Variants in PDE8A observed in about 807,000 individuals in gnomAD.
PDE8A encodes phosphodiesterase 8A.
PDE8A carries 59 observed loss-of-function variants against 105.0 expected under a neutral mutation model. The observed-to-expected ratio is 0.56, with a 90% CI of 0.46 to 0.70. PDE8A has a LOEUF of 0.70. Among genes scored for constraint, PDE8A ranks in the 30% least tolerant of loss-of-function variants. The pLI, the probability that PDE8A is intolerant of heterozygous loss-of-function variation, is 0.00. For synonymous variants in PDE8A, 355 were observed against 371.9 expected (o/e 0.95, Z 0.52); for missense variants, 1,014 against 1,045.9 (o/e 0.97, Z 0.42).
At chr15:85,110,166 C>T (rs1027693169) in intron 12 of PDE8A, among the ~76,000 whole-genome samples, 10 of 152,136 alleles carry the variant, frequency 6.6e-5, no homozygotes, top group African/African-American at 2.2e-4. Context: ...TTGTAGCTGT[C>T]GTGATTACAG....
At chr15:85,003,318 CA>C (rs1246040048) in intron 1 of PDE8A, among the ~76,000 whole-genome samples, 2 of 152,198 alleles carry the variant, frequency 1.3e-5, no homozygotes, top group Non-Finnish European at 2.9e-5. Flanking sequence ...CTCCTGGCCT[CA>C]CATTTTATAA....
intron 11 of PDE8A, among the ~76,000 whole-genome samples, chr15:85,101,294 G>A (rs1025622006): frequency 3.3e-5 from 5 of 152,172 alleles, no homozygotes; most frequent in African/African-American, 9.7e-5. Context: ...AAGGAACACA[G>A]CAAGTGATAA....
At chr15:85,009,725 C>G (rs573029823) in intron 1 of PDE8A, among the ~76,000 whole-genome samples, 1 of 152,326 alleles carries the variant, frequency 6.6e-6, no homozygotes, top group South Asian at 2.1e-4. Flanking sequence ...AAACTGTTGG[C>G]AATATTTACT....
chr15:85,076,782 A>G lies in PDE8A; in HGVS notation c.541A>G (p.Thr181Ala). 6.4e-7 allele frequency: 1 copy of G among 1,571,672 alleles called. No individual in the cohort carries two copies. Among genetic ancestry groups the G allele is most frequent in the Non-Finnish European group, 8.8e-7 (1 of 1,141,278 alleles). Residue 181 changes from threonine to alanine, a missense_variant, in exon 5 of 22, where the codon ACA becomes GCA. Coordinates refer to ENST00000394553, the MANE Select transcript of PDE8A (RefSeq NM_002605.3). ...SVMPFISAGF[T>A]RRYVENPNIM... Reference sequence around the variant, plus strand: ...AATGCCTTTCATTTCTGCTGGATTTACAAGGGTATGTACTCACTTATTTGT... The same window carrying G: ...AATGCCTTTCATTTCTGCTGGATTTGCAAGGGTATGTACTCACTTATTTGT...
intron 20 of PDE8A, among the ~76,000 whole-genome samples, chr15:85,134,452 G>A (rs533211904): frequency 2.6e-5 from 4 of 152,288 alleles, no homozygotes; most frequent in Non-Finnish European, 4.4e-5. Flanking sequence ...GCAGAGACTC[G>A]TGTAGGGCTG....
At position 85,055,038 on chromosome 15, in the gene PDE8A, C is replaced by T. The variant is rs531394782; in HGVS notation, c.187-9332C>T. 2.0e-5 allele frequency among the ~76,000 whole-genome samples: 3 copies of T among 152,194 alleles called. No homozygotes were observed. In the East Asian group the frequency reaches 5.8e-4, roughly 29 times the overall value. Reference sequence around the variant, plus strand: ...CTTTGTTCTCGTTGGTTTCAAAGAACCTCTTTATTTCTGCCTTCATTTCGT... The same window carrying T: ...CTTTGTTCTCGTTGGTTTCAAAGAATCTCTTTATTTCTGCCTTCATTTCGT... On this transcript the variant is annotated intron_variant, in intron 1 of 21. Transcript: ENST00000394553.
At chr15:84,993,442 C>CAAAAA (rs11362736) in intron 1 of PDE8A, among the ~76,000 whole-genome samples, 150 of 73,000 alleles carry the variant, frequency 2.1e-3, no homozygotes, top group Middle Eastern at 0.01. Context: ...GACTCCATCT[C>CAAAAA]AAAAAAAAAA....
chr15:85,105,729 C>T (rs1166150599), intron 11 of PDE8A, among the ~76,000 whole-genome samples: 1 of 152,218 alleles, frequency 6.6e-6, no homozygotes, highest in African/African-American at 2.4e-5. Flanking sequence ...CAAGCCCTGG[C>T]TATGGAGGCC....
intron 3 of PDE8A, among the ~76,000 whole-genome samples, chr15:85,067,413 G>A (rs1328072749): frequency 6.6e-6 from 1 of 152,182 alleles, no homozygotes; most frequent in African/African-American, 2.4e-5. Flanking sequence ...GTAAGAAAAT[G>A]TGAATAATAA....
chr15:85,060,452 A>G (rs1241140040), intron 1 of PDE8A, among the ~76,000 whole-genome samples: 1 of 152,268 alleles, frequency 6.6e-6, no homozygotes, highest in East Asian at 1.9e-4. Flanking sequence ...AAAATAAAAC[A>G]TGTAAAATAA....
At chr15:85,041,026 T>C (rs2080798981) in intron 1 of PDE8A, among the ~76,000 whole-genome samples, 1 of 152,160 alleles carries the variant, frequency 6.6e-6, no homozygotes, top group Non-Finnish European at 1.5e-5. Flanking sequence ...TAGACAGACA[T>C]CTTTTCATAT....
At chr15:85,042,180 G>GT (rs2080820672) in intron 1 of PDE8A, among the ~76,000 whole-genome samples, 1 of 151,220 alleles carries the variant, frequency 6.6e-6, no homozygotes. Context: ...TTGTTTTTTT[G>GT]TTTTTTGTTT....
intron 1 of PDE8A, among the ~76,000 whole-genome samples, chr15:85,020,529 G>A (rs55854726): frequency 0.086 from 13,120 of 152,244 alleles, 1,561 homozygotes; most frequent in African/African-American, 0.27. Flanking sequence ...GCTTGAACAC[G>A]GGAGGTGGAG....
intron 1 of PDE8A, among the ~76,000 whole-genome samples, chr15:85,006,039 CAGG>C (rs748535468): frequency 6.6e-5 from 10 of 151,730 alleles, no homozygotes; most frequent in Non-Finnish European, 1.3e-4. Flanking sequence ...GCAAATGACT[CAGG>C]AGAAGTACAG....
At chr15:85,104,282 G>A (rs1487791306) in intron 11 of PDE8A, among the ~76,000 whole-genome samples, 1 of 152,116 alleles carries the variant, frequency 6.6e-6, no homozygotes, top group East Asian at 1.9e-4. Context: ...TCCCAGCAAT[G>A]ATGATGATGA....
chr15:85,066,744 G>A (rs2081235471), intron 2 of PDE8A, among the ~76,000 whole-genome samples: 1 of 152,002 alleles, frequency 6.6e-6, no homozygotes, highest in Non-Finnish European at 1.5e-5. Flanking sequence ...TTCGAAATCA[G>A]CCTGGCCAAC....
rs147346694 is a variant in PDE8A, at chr15:85,067,149, A to G, written c.379A>G (p.Ile127Val). 7 of 1,613,962 alleles carry G rather than the reference A, an allele frequency of 4.3e-6. No individual in the cohort carries two copies. Among genetic ancestry groups the G allele is most frequent in the Non-Finnish European group, 5.9e-6 (7 of 1,179,970 alleles). The change falls in exon 3 of 22, where the codon ATT (isoleucine) becomes GTT (valine). Residue 127 changes from isoleucine (I) to valine (V), a missense_variant. Ile to Val is a conservative substitution (Grantham distance 29). Transcript: ENST00000394553. Reference protein sequence around the residue: ...LACFLDKHHDIIIIDHRNPRQ... With the variant: ...LACFLDKHHDVIIIDHRNPRQ... ...CTGTTTCCTGGACAAACATCATGAC[A>G]TTATCATCATAGACCACAGAAATCC... is the stretch of plus-strand genomic sequence containing the variant.
chr15:85,091,228 A>T, intron 8 of PDE8A, 47 bp downstream of exon 8: 3 of 1,521,984 alleles, frequency 2.0e-6, no homozygotes, highest in Non-Finnish European at 2.7e-6. Context: ...ACACAGAGAG[A>T]AGGAAGACTT....
Position 85,123,126 on chromosome 15 carries a change from A to C in PDE8A, c.2018A>C (p.His673Pro), listed in dbSNP as rs1382976959. The C allele has an allele frequency of 4.3e-6, 7 of 1,613,966 alleles. No homozygotes were observed. Among genetic ancestry groups the C allele is most frequent in the Non-Finnish European group, 5.9e-6 (7 of 1,179,814 alleles). The change falls in exon 19 of 22, where the codon CAC becomes CCC. Residue 673 changes from histidine to proline, a missense_variant. His to Pro is a moderately conservative substitution (Grantham distance 77, BLOSUM62 -2). Transcript: ENST00000394553. ...DMVLATEMTKHFEHVNKFVNS... is the reference protein window; with the variant it reads ...DMVLATEMTKPFEHVNKFVNS... Reference sequence around the variant, plus strand: ...GTCTTAGCCACAGAAATGACAAAGCACTTTGAGCATGTCAACAAATTTGTC... The same window carrying C: ...GTCTTAGCCACAGAAATGACAAAGCCCTTTGAGCATGTCAACAAATTTGTC...
Sources: allele counts gnomAD v4.1 joint callset (sites outside exome capture counted in the v4.1 genomes callset), GRCh38; gene constraint gnomAD v4.1.1; transcripts MANE v1.5; gene names NCBI Gene and HGNC (gene_info 2026-07-23, HGNC 2026-07-21).